The following AP2A1 variants were observed in gnomAD, a reference collection of about 807,000 sequenced individuals.
AP2A1 encodes the protein AP-2 complex subunit alpha-1.
A neutral mutation model predicts 107.3 loss-of-function variants in AP2A1; 21 were observed. That is an observed-to-expected ratio of 0.20 (90% CI 0.14 to 0.28). AP2A1 has a LOEUF of 0.28. AP2A1 is among the 10% of genes least tolerant of loss of function. AP2A1 has a pLI of 1.00. For synonymous variants in AP2A1, 602 were observed against 564.8 expected (o/e 1.07, Z -0.93); for missense variants, 873 against 1,307.7 (o/e 0.67, Z 5.13).
intron 6 of AP2A1, among the ~76,000 whole-genome samples, chr19:49,793,303 G>T (rs967118783): frequency 2.0e-5 from 3 of 152,202 alleles, no homozygotes; most frequent in Admixed American, 1.3e-4. Flanking sequence ...TGCCCCCTGT[G>T]TTCAGTGGGG....
chr19:49,801,440 T>C lies in AP2A1; in HGVS notation c.1604T>C (p.Val535Ala). 6.2e-7 allele frequency: 1 copy of C among 1,613,832 alleles called. No homozygotes were observed. The highest frequency in any genetic ancestry group is 8.5e-7 in the Non-Finnish European group (1 of 1,179,856). The change falls in exon 13 of 23, where the codon GTG becomes GCG. Residue 535 changes from valine (V) to alanine (A), a missense_variant. Physicochemically the swap from Val to Ala is moderately conservative, Grantham distance 64 (BLOSUM62 0). This residue lies in a region of AP2A1 where 213 missense variants were observed against 443.5 expected (regional missense o/e 0.48). Coordinates refer to ENST00000354293, the MANE Select transcript of AP2A1 (RefSeq NM_130787.3). Reference sequence around the variant, plus strand: ...CACTCCAAGTTCCATCTGTGCAGCGTGGCCACGCGGGCGCTGCTGCTGTCC... The same window carrying C: ...CACTCCAAGTTCCATCTGTGCAGCGCGGCCACGCGGGCGCTGCTGCTGTCC... ...LLHSKFHLCS[V>A]ATRALLLSTY...
intron 7 of AP2A1, among the ~76,000 whole-genome samples, chr19:49,797,902 T>C (rs1017485430): frequency 2.2e-5 from 3 of 133,648 alleles, no homozygotes; most frequent in Non-Finnish European, 3.4e-5. Flanking sequence ...ACAACATAGT[T>C]GCCCTGTTTC....
intron 1 of AP2A1, among the ~76,000 whole-genome samples, chr19:49,771,250 T>C (rs563542590): frequency 6.7e-6 from 1 of 149,530 alleles, no homozygotes; most frequent in Non-Finnish European, 1.5e-5. Flanking sequence ...GGAGGATCAT[T>C]TGAACCCAGG....
intron 6 of AP2A1, among the ~76,000 whole-genome samples, chr19:49,793,969 C>T (rs1009147170): frequency 5.1e-5 from 7 of 138,234 alleles, no homozygotes; most frequent in East Asian, 2.2e-4. Flanking sequence ...TGCAGTGGCG[C>T]GATCTCGGCT....
intron 1 of AP2A1, among the ~76,000 whole-genome samples, chr19:49,767,535 G>A (rs1483304182): frequency 1.3e-5 from 2 of 152,064 alleles, no homozygotes; most frequent in African/African-American, 2.4e-5. Flanking sequence ...GGGGTTAGAG[G>A]GATTCCCAAT....
Position 49,801,792 on chromosome 19 carries a change from A to G in AP2A1, c.1856A>G (p.Lys619Arg), listed in dbSNP as rs2073283611. Residue 619 changes from lysine (K) to arginine (R), a missense_variant, in exon 14 of 23, where the codon AAG (lysine) becomes AGG (arginine). Lys to Arg is a conservative substitution (Grantham distance 26). Coordinates refer to ENST00000354293, the MANE Select transcript of AP2A1 (RefSeq NM_130787.3). ...ESSILAKLKRKKGPGAGSALD... is the reference protein window; with the variant it reads ...ESSILAKLKRRKGPGAGSALD... ...TCCATCCTGGCCAAGCTGAAACGCA[A>G]GAAGGGGCCAGGGGCCGGCAGCGCC... The G allele has an allele frequency of 1.3e-6, 2 of 1,565,980 alleles. No individual in the cohort carries two copies. Among genetic ancestry groups the G allele is most frequent in the East Asian group, 2.3e-5 (1 of 43,016 alleles).
At chr19:49,793,416 TCCTCCCTCTCCCACTTCTC>T (rs2073171230) in intron 6 of AP2A1, among the ~76,000 whole-genome samples, 2 of 152,062 alleles carry the variant, frequency 1.3e-5, no homozygotes, top group Admixed American at 1.3e-4. Context: ...CCTCATGACC[TCCTCCCTCTCCCACTTCTC>T]TCTCTGTCTC....
At chr19:49,793,768 G>A (rs576844025) in intron 6 of AP2A1, among the ~76,000 whole-genome samples, 1 of 152,134 alleles carries the variant, frequency 6.6e-6, no homozygotes, top group Non-Finnish European at 1.5e-5. Context: ...GTCCACGAAG[G>A]CTTCCTGGGG....
At chr19:49,784,926 T>C (rs2084719583) in intron 4 of AP2A1, among the ~76,000 whole-genome samples, 1 of 152,046 alleles carries the variant, frequency 6.6e-6, no homozygotes, top group South Asian at 2.1e-4. Flanking sequence ...AAAAATTAGG[T>C]GTCTGAATTT....
At chr19:49,773,068 G>C (rs2084581642) in intron 1 of AP2A1, among the ~76,000 whole-genome samples, 1 of 152,100 alleles carries the variant, frequency 6.6e-6, no homozygotes, top group Non-Finnish European at 1.5e-5. Flanking sequence ...AGGAGGATCT[G>C]AAGGGCACAG....
At chr19:49,803,907 A>G (rs906353310) in intron 18 of AP2A1, 2 of 158,862 alleles carry the variant, frequency 1.3e-5, no homozygotes, top group African/African-American at 4.8e-5. Context: ...CTGGGCCTCC[A>G]TTGCCACATT....
At chr19:49,787,390 C>T (rs2084755220) in intron 4 of AP2A1, among the ~76,000 whole-genome samples, 1 of 145,710 alleles carries the variant, frequency 6.9e-6, no homozygotes. Flanking sequence ...CTCTGTCACC[C>T]AGGCTGGAGT....
intron 1 of AP2A1, among the ~76,000 whole-genome samples, chr19:49,777,217 A>T (rs2084625681): frequency 6.6e-6 from 1 of 152,122 alleles, no homozygotes; most frequent in Non-Finnish European, 1.5e-5. Flanking sequence ...CCTGGGTGAC[A>T]GAGCGAGACT....
chr19:49,781,660 C>A, intron 1 of AP2A1, 97 bp from the exon 2 acceptor site: 1 of 1,258,240 alleles, frequency 7.9e-7, no homozygotes, highest in African/African-American at 1.5e-5. Context: ...CGGAGAAGAT[C>A]TGCCCTTCCT....
chr19:49,781,648 G>A, intron 1 of AP2A1, 109 bp from the exon 2 acceptor site: 2 of 1,147,810 alleles, frequency 1.7e-6, no homozygotes, highest in South Asian at 2.8e-5. Context: ...AGGGCTTGGG[G>A]GCGGAGAAGA....
At chr19:49,772,019 C>T (rs2084563650) in intron 1 of AP2A1, among the ~76,000 whole-genome samples, 1 of 152,060 alleles carries the variant, frequency 6.6e-6, no homozygotes, top group African/African-American at 2.4e-5. Flanking sequence ...TGCTTGAGGC[C>T]AGGAATTTGA....
In AP2A1 at chr19:49,782,056, G is replaced by T. The variant is rs1486298606; in HGVS notation, c.246G>T (p.Leu82=). 2 of 1,572,992 alleles carry T rather than the reference G, an allele frequency of 1.3e-6. No homozygotes were observed. The highest frequency in any genetic ancestry group is 1.7e-6 in the Non-Finnish European group (2 of 1,158,640). The change falls in exon 3 of 23, where the codon CTG becomes CTT. Residue 82 remains leucine, a synonymous_variant. Coordinates refer to ENST00000354293, the MANE Select transcript of AP2A1 (RefSeq NM_130787.3). ...IDFGHMEAVN[L]LSSNKYTEKQ... is the part of the protein sequence containing the mutation. ...TTGGGCACATGGAGGCTGTGAATCT[G>T]TTGAGTTCCAATAAATACACAGAGA...
intron 18 of AP2A1, 46 bp from the exon 19 acceptor site, chr19:49,805,407 G>A (rs1413176629): frequency 7.4e-6 from 11 of 1,491,542 alleles, no homozygotes; most frequent in African/African-American, 4.2e-5. Context: ...CAGACCTCCC[G>A]GGGGCCCACC....
chr19:49,801,313 G>A, intron 12 of AP2A1, 77 bp from the exon 13 acceptor site: 5 of 1,440,698 alleles, frequency 3.5e-6, no homozygotes, highest in Non-Finnish European at 3.8e-6. Flanking sequence ...TCCATCCTAG[G>A]GAGGGGCACC....
Sources: allele counts gnomAD v4.1 joint callset (sites outside exome capture counted in the v4.1 genomes callset), GRCh38; gene constraint gnomAD v4.1.1; regional missense constraint gnomAD v4.1.1; transcripts MANE v1.5; gene names NCBI Gene and HGNC (gene_info 2026-07-23, HGNC 2026-07-21).